The following NUDT3 variants were observed in gnomAD, a reference collection of about 807,000 sequenced individuals.
NUDT3 encodes the protein diphosphoinositol polyphosphate phosphohydrolase 1.
In NUDT3, 9 loss-of-function variants were observed where a neutral mutation model predicts 23.6. The observed-to-expected ratio is 0.38, with a 90% CI of 0.23 to 0.66. NUDT3 has a LOEUF of 0.66. Ranked by LOEUF, NUDT3 falls within the 30% of genes least tolerant of loss-of-function variation. The pLI, the probability that NUDT3 is intolerant of heterozygous loss-of-function variation, is 0.52. For missense variants in NUDT3, 172 were observed against 218.5 expected, an observed-to-expected ratio of 0.79 and a Z score of 1.34; for synonymous variants, 86 against 82.6, an observed-to-expected ratio of 1.04 and a Z score of -0.22.
rs1763294031 is a variant in NUDT3 at position 34,282,926 on chromosome 6, T to C, written c.*5827A>G. ...CAATGACTTCTTTCCACCTTCTAGA[T>C]AGTAATCTTACTTTTGTTGGCTAAA... On this transcript the variant is annotated 3_prime_UTR_variant, in exon 5 of 5. Transcript: ENST00000607016. The C allele has an allele frequency of 6.6e-6, 1 of 152,208 alleles. No homozygotes were observed. Among genetic ancestry groups the C allele is most frequent in the African/African-American group, 2.4e-5 (1 of 41,458 alleles). 9.4% of individuals were successfully genotyped at this position (152,208 alleles called of 1,614,324 possible).
chr6:34,364,997 G>A (rs1284024185), intron 1 of NUDT3, among the ~76,000 whole-genome samples: 1 of 151,888 alleles, frequency 6.6e-6, no homozygotes, highest in African/African-American at 2.4e-5. Flanking sequence ...CTTCAGCCTG[G>A]GTGACAGAGC....
chr6:34,387,652 G>C (rs1012314839), intron 1 of NUDT3, among the ~76,000 whole-genome samples: 7 of 126,940 alleles, frequency 5.5e-5, no homozygotes, highest in African/African-American at 1.8e-4. Context: ...CTGGGGAACA[G>C]AGCAAGATCT....
intron 1 of NUDT3, among the ~76,000 whole-genome samples, chr6:34,366,137 C>G (rs1010837241): frequency 2.6e-5 from 4 of 151,132 alleles, no homozygotes; most frequent in African/African-American, 9.7e-5. Context: ...GAGACCAAGG[C>G]CAGCAGATCA....
intron 2 of NUDT3, among the ~76,000 whole-genome samples, chr6:34,309,800 A>G (rs375622041): frequency 6.6e-6 from 1 of 151,814 alleles, no homozygotes; most frequent in East Asian, 2.0e-4. Flanking sequence ...AAAATAAAAG[A>G]AAACTATGAA....
chr6:34,330,188 T>C (rs577179061), intron 2 of NUDT3, among the ~76,000 whole-genome samples: 70 of 152,232 alleles, frequency 4.6e-4, no homozygotes, highest in Non-Finnish European at 7.2e-4. Context: ...CTGGATCAAA[T>C]GGTATTTCTA....
chr6:34,353,033 T>TA lies in NUDT3; in HGVS notation c.100-11062dup, dbSNP rs529836353. On this transcript the variant is annotated intron_variant, in intron 1 of 4. Transcript: ENST00000607016. ...ACATAATGTATATATTCAAAGGGTA[T>TA]AAAAAAACATAATGAAAAGCAAGCC... Among the ~76,000 whole-genome samples, 348 of 152,298 alleles carry TA rather than the reference T, an allele frequency of 2.3e-3. 1 individual carries two copies. The highest frequency in any genetic ancestry group is 7.5e-3 in the African/African-American group (311 of 41,566).
In NUDT3 at chr6:34,361,162, G is replaced by A. The variant is rs148879159; in HGVS notation, c.100-19190C>T. 9.7e-4 allele frequency among the ~76,000 whole-genome samples: 148 copies of A among 152,184 alleles called. 1 individual carries two copies. The highest frequency in any genetic ancestry group is 3.1e-3 in the African/African-American group (127 of 41,506). On this transcript the variant is annotated intron_variant, in intron 1 of 4. Transcript: ENST00000607016. The stretch of plus-strand genomic sequence containing the variant: ...CACTTGAGCCCAGGAGTTCAGTTAC[G>A]GTGAGCTATGATCACACCACTGGCA...
chr6:34,291,422 G>A (rs1280104136), intron 4 of NUDT3, among the ~76,000 whole-genome samples: 2 of 152,022 alleles, frequency 1.3e-5, no homozygotes, highest in Non-Finnish European at 2.9e-5. Context: ...ACAGAAAGGC[G>A]ACACTGATCC....
At chr6:34,338,277 C>A (rs1174241877) in intron 2 of NUDT3, among the ~76,000 whole-genome samples, 1 of 152,196 alleles carries the variant, frequency 6.6e-6, no homozygotes, top group Non-Finnish European at 1.5e-5. Flanking sequence ...ATCACACTAC[C>A]TACTGCATCC....
At chr6:34,295,794 G>C in intron 2 of NUDT3, 109 bp from the exon 3 acceptor site, 1 of 1,361,094 alleles carries the variant, frequency 7.3e-7, no homozygotes, top group Admixed American at 2.0e-5. Flanking sequence ...AGAGGACACA[G>C]CTTGGGCAGA....
At chr6:34,312,750 G>A (rs545997278) in intron 2 of NUDT3, among the ~76,000 whole-genome samples, 5 of 152,098 alleles carry the variant, frequency 3.3e-5, no homozygotes, top group Non-Finnish European at 4.4e-5. Context: ...GCCAAAACTC[G>A]GAAGCAACGT....
chr6:34,290,673 CAG>C (rs1023850587), intron 4 of NUDT3, among the ~76,000 whole-genome samples: 1 of 150,050 alleles, frequency 6.7e-6, no homozygotes, highest in African/African-American at 2.5e-5. Context: ...GTCTGGACAA[CAG>C]AGTGAGACTG....
At chr6:34,388,147 C>T (rs1322338835) in intron 1 of NUDT3, among the ~76,000 whole-genome samples, 1 of 152,148 alleles carries the variant, frequency 6.6e-6, no homozygotes, top group African/African-American at 2.4e-5. Context: ...GAGCAATAGG[C>T]TATACCATAT....
At chr6:34,380,145 G>A (rs900018985) in intron 1 of NUDT3, among the ~76,000 whole-genome samples, 4 of 151,908 alleles carry the variant, frequency 2.6e-5, no homozygotes, top group South Asian at 4.2e-4. Context: ...GTGCAACAGC[G>A]CGATCTCGGC....
chr6:34,297,215 A>C (rs1763514452), intron 2 of NUDT3, among the ~76,000 whole-genome samples: 1 of 152,120 alleles, frequency 6.6e-6, no homozygotes, highest in South Asian at 2.1e-4. Context: ...TACAGGCGTG[A>C]GTCACCGCGC....
rs1763321033 is a variant in NUDT3, at chr6:34,285,319, C to T, written c.*3434G>A. ...TAGCCCTTCTGTACATACACACACACACACCCAGAGAGAAGACAGAGAGAA... is the reference window on the plus strand; with the variant it reads ...TAGCCCTTCTGTACATACACACACATACACCCAGAGAGAAGACAGAGAGAA... On this transcript the variant is annotated 3_prime_UTR_variant, in exon 5 of 5. Coordinates refer to ENST00000607016, the MANE Select transcript of NUDT3 (RefSeq NM_006703.4). 1 of 152,256 alleles carries T rather than the reference C, an allele frequency of 6.6e-6. No individual in the cohort carries two copies. The highest frequency in any genetic ancestry group is 2.4e-5 in the African/African-American group (1 of 41,454). 9.4% of individuals were successfully genotyped at this position (152,256 alleles called of 1,614,324 possible). A position where few individuals can be genotyped will look rare whatever the true frequency, so the allele number is the denominator to read the frequency against.
At chr6:34,322,919 A>G (rs758867519) in intron 2 of NUDT3, among the ~76,000 whole-genome samples, 8 of 152,252 alleles carry the variant, frequency 5.3e-5, no homozygotes, top group Non-Finnish European at 1.0e-4. Context: ...CTATGCAGCC[A>G]TAACAAAGAA....
At chr6:34,327,389 G>A (rs1487585270) in intron 2 of NUDT3, among the ~76,000 whole-genome samples, 2 of 151,946 alleles carry the variant, frequency 1.3e-5, no homozygotes, top group Admixed American at 1.3e-4. Context: ...AATTAGCTGG[G>A]CATGGTAGTG....
At chr6:34,390,912 A>G (rs942312189) in intron 1 of NUDT3, among the ~76,000 whole-genome samples, 1 of 152,224 alleles carries the variant, frequency 6.6e-6, no homozygotes, top group Non-Finnish European at 1.5e-5. Flanking sequence ...ATTCCAAAAC[A>G]GTATATAATT....
Sources: allele counts gnomAD v4.1 joint callset (sites outside exome capture counted in the v4.1 genomes callset), GRCh38; gene constraint gnomAD v4.1.1; transcripts MANE v1.5; gene names NCBI Gene and HGNC (gene_info 2026-07-23, HGNC 2026-07-21).